Variants in EPHB1 observed in about 807,000 individuals in gnomAD.
EPHB1 encodes EPH receptor B1.
Under a neutral mutation model 94.4 loss-of-function variants are expected in EPHB1, and 30 were observed. The observed-to-expected ratio is 0.32, with a 90% CI of 0.24 to 0.43. The LOEUF (loss-of-function observed/expected upper bound fraction) is 0.43, where lower values mean the gene tolerates loss of function less well. Ranked by LOEUF, EPHB1 falls within the 20% of genes least tolerant of loss-of-function variation. The pLI is 1.00. For synonymous variants in EPHB1, 522 were observed against 489.1 expected (o/e 1.07, Z -0.89); for missense variants, 1,055 against 1,308.3 (o/e 0.81, Z 2.99).
chr3:135,102,079 G>A (rs952604555), intron 3 of EPHB1, among the ~76,000 whole-genome samples: 6 of 152,206 alleles, frequency 3.9e-5, no homozygotes, highest in Admixed American at 1.3e-4. Context: ...AGTGCTGACC[G>A]TAATTCTGTA....
At chr3:134,909,617 C>T (rs751391600) in intron 1 of EPHB1, among the ~76,000 whole-genome samples, 12 of 152,208 alleles carry the variant, frequency 7.9e-5, no homozygotes, top group Non-Finnish European at 1.6e-4. Flanking sequence ...ACCTCCAGAT[C>T]CTGAAGCTAC....
rs191740070 is a variant in EPHB1, at chr3:134,795,593, G to A, written c.-39G>A. 5.0e-6 allele frequency: 8 copies of A among 1,596,710 alleles called. No homozygotes were observed. In the Admixed American group the frequency reaches 6.8e-5, roughly 14 times the overall value. ...GACGCGGCGCTCTCCCGGCGCTGCT[G>A]CCTCGGCTTGGTCTCGGCCTGCGGG... On this transcript the variant is annotated 5_prime_UTR_variant, in exon 1 of 16. Coordinates refer to ENST00000398015, the MANE Select transcript of EPHB1 (RefSeq NM_004441.5).
Position 135,025,023 on chromosome 3 carries a change from TTTG to T in EPHB1, c.805+72974_805+72976del, listed in dbSNP as rs924771784. On this transcript the variant is annotated intron_variant, in intron 3 of 15. Transcript: ENST00000398015. ...TAATACAAAATGTATATTTGTTCACTTTGTTAACATATATTTACAACTTTTTTG... is the reference window on the plus strand; with the variant it reads ...TAATACAAAATGTATATTTGTTCACTTTAACATATATTTACAACTTTTTTG... Among the ~76,000 whole-genome samples the T allele has an allele frequency of 9.2e-5, 14 of 151,864 alleles. No individual in the cohort carries two copies. In the South Asian group the frequency reaches 2.5e-3, roughly 27 times the overall value.
At chr3:134,903,554 CT>C (rs2038250580) in intron 1 of EPHB1, among the ~76,000 whole-genome samples, 1 of 152,172 alleles carries the variant, frequency 6.6e-6, no homozygotes, top group Non-Finnish European at 1.5e-5. Flanking sequence ...TTCTGAGAAT[CT>C]CCTTCTCAGA....
At chr3:135,196,946 T>C (rs1024638934) in intron 11 of EPHB1, among the ~76,000 whole-genome samples, 1 of 152,066 alleles carries the variant, frequency 6.6e-6, no homozygotes, top group African/African-American at 2.4e-5. Context: ...TTCAACCTGG[T>C]GGCTCTTCCG....
At chr3:134,886,477 T>C (rs2037864891) in intron 1 of EPHB1, among the ~76,000 whole-genome samples, 1 of 152,126 alleles carries the variant, frequency 6.6e-6, no homozygotes, top group Non-Finnish European at 1.5e-5. Flanking sequence ...AATTCGGAGA[T>C]TATTTTCTGC....
chr3:135,252,050 G>A (rs1215659628), intron 15 of EPHB1, among the ~76,000 whole-genome samples: 2 of 151,824 alleles, frequency 1.3e-5, no homozygotes, highest in African/African-American at 4.8e-5. Flanking sequence ...AAATAATAAT[G>A]CCCATCTCAT....
At chr3:134,990,845 A>G (rs1213605725) in intron 3 of EPHB1, among the ~76,000 whole-genome samples, 1 of 152,234 alleles carries the variant, frequency 6.6e-6, no homozygotes, top group African/African-American at 2.4e-5. Context: ...CAGAGGGCCA[A>G]CTGTATTGTT....
At chr3:135,177,761 AGGGTG>A (rs1266310167) in intron 9 of EPHB1, among the ~76,000 whole-genome samples, 4 of 152,166 alleles carry the variant, frequency 2.6e-5, no homozygotes, top group African/African-American at 9.6e-5. Flanking sequence ...AAGGTAAGAC[AGGGTG>A]GCCTGGAGAT....
intron 3 of EPHB1, among the ~76,000 whole-genome samples, chr3:135,002,759 G>A (rs1182901181): frequency 2.0e-5 from 3 of 152,170 alleles, no homozygotes; most frequent in Admixed American, 1.3e-4. Flanking sequence ...GGTGTTTGTA[G>A]TATTCTCTGA....
chr3:135,025,473 G>A (rs1342423084), intron 3 of EPHB1, among the ~76,000 whole-genome samples: 4 of 82,818 alleles, frequency 4.8e-5, no homozygotes, highest in Non-Finnish European at 9.4e-5. Flanking sequence ...TTGGTTTTTT[G>A]TTCTTGCGAT....
At chr3:134,812,705 G>A (rs1452067415) in intron 1 of EPHB1, among the ~76,000 whole-genome samples, 1 of 152,344 alleles carries the variant, frequency 6.6e-6, no homozygotes, top group East Asian at 1.9e-4. Context: ...AGTGGCTGAA[G>A]TGTCTTGCAT....
chr3:134,863,096 A>G (rs548295559), intron 1 of EPHB1, among the ~76,000 whole-genome samples: 2 of 152,260 alleles, frequency 1.3e-5, no homozygotes, highest in African/African-American at 4.8e-5. Context: ...GTCTTCTCTC[A>G]TCTTCCCCCA....
At chr3:134,910,977 T>G (rs571262727) in intron 1 of EPHB1, among the ~76,000 whole-genome samples, 7 of 152,256 alleles carry the variant, frequency 4.6e-5, no homozygotes, top group South Asian at 2.1e-4. Context: ...CAGGGAGAGA[T>G]GGATAAAAAG....
At chr3:134,846,405 G>A (rs13073401) in intron 1 of EPHB1, among the ~76,000 whole-genome samples, 3,853 of 152,282 alleles carry the variant, frequency 0.025, 102 homozygotes, top group Non-Finnish European at 0.034. Flanking sequence ...CCATAATGCT[G>A]CCTTTGCGAT....
chr3:135,049,456 G>C (rs1010620996), intron 3 of EPHB1, among the ~76,000 whole-genome samples: 1 of 152,170 alleles, frequency 6.6e-6, no homozygotes, highest in Non-Finnish European at 1.5e-5. Flanking sequence ...TGAGAACTCA[G>C]CTGGGGCTAT....
intron 3 of EPHB1, among the ~76,000 whole-genome samples, chr3:135,039,874 T>TG (rs889647386): frequency 2.0e-5 from 3 of 152,082 alleles, no homozygotes; most frequent in African/African-American, 7.2e-5. Context: ...CACAGTGCAG[T>TG]GGGGGGGCTG....
At chr3:135,206,022 C>T (rs2107714535) in intron 12 of EPHB1, among the ~76,000 whole-genome samples, 1 of 152,318 alleles carries the variant, frequency 6.6e-6, no homozygotes, top group South Asian at 2.1e-4. Context: ...CCTCATCCCT[C>T]CCCATTGCAT....
At chr3:135,221,352 T>C (rs888473215) in intron 12 of EPHB1, among the ~76,000 whole-genome samples, 1 of 152,198 alleles carries the variant, frequency 6.6e-6, no homozygotes, top group Non-Finnish European at 1.5e-5. Flanking sequence ...AGTAAGCAAA[T>C]TAGGCACCAT....
Sources: allele counts gnomAD v4.1 joint callset (sites outside exome capture counted in the v4.1 genomes callset), GRCh38; gene constraint gnomAD v4.1.1; transcripts MANE v1.5; gene names NCBI Gene and HGNC (gene_info 2026-07-23, HGNC 2026-07-21).